The following PLCD3 variants were observed in gnomAD, a reference collection of about 807,000 sequenced individuals.
The protein encoded by PLCD3 is phospholipase C delta 3, also known as 1-phosphatidylinositol 4,5-bisphosphate phosphodiesterase delta-3.
A neutral mutation model predicts 82.8 loss-of-function variants in PLCD3; 62 were observed. The observed-to-expected ratio is 0.75, with a 90% CI of 0.61 to 0.93. The LOEUF (loss-of-function observed/expected upper bound fraction) is 0.93. Ranked by LOEUF, PLCD3 falls within the 40% of genes least tolerant of loss-of-function variation. The probability of loss-of-function intolerance (pLI) is 0.00; values close to 1 mark genes in which losing one functional copy is unlikely to be tolerated. For missense variants in PLCD3, 1,023 were observed against 1,103.4 expected, an observed-to-expected ratio of 0.93 and a Z score of 1.03; for synonymous variants, 478 against 471.8, an observed-to-expected ratio of 1.01 and a Z score of -0.17.
At position 45,111,155 on chromosome 17, in the gene PLCD3, A is replaced by G. The variant is rs1401840681; in HGVS notation, c.*1461T>C. Reference sequence around the variant, plus strand: ...CTCCAGATTCTGTCGCCTAGTGTCCAGTGCGCTCTCCTGGCATTTCTATAG... The same window carrying G: ...CTCCAGATTCTGTCGCCTAGTGTCCGGTGCGCTCTCCTGGCATTTCTATAG... On this transcript the variant is annotated 3_prime_UTR_variant, in exon 15 of 15. Coordinates refer to ENST00000619929, the MANE Select transcript of PLCD3 (RefSeq NM_133373.5). 1 of 152,222 alleles carries G rather than the reference A, an allele frequency of 6.6e-6. No homozygotes were observed. Among genetic ancestry groups the G allele is most frequent in the Non-Finnish European group, 1.5e-5 (1 of 68,054 alleles). The allele number at this position is 152,222 out of a possible 1,614,324, so 9.4% of individuals were successfully genotyped here.
At chr17:45,117,487 G>A (rs918785023) in intron 7 of PLCD3, among the ~76,000 whole-genome samples, 9 of 152,010 alleles carry the variant, frequency 5.9e-5, no homozygotes, top group African/African-American at 9.7e-5. Flanking sequence ...AGTGATCCTC[G>A]CGTCAGCCTC....
In PLCD3 at chr17:45,116,778, G is replaced by A. The variant is rs2054295399; in HGVS notation, c.1267C>T (p.Pro423Ser). The change falls in exon 8 of 15, where the codon CCT becomes TCT. Residue 423 changes from proline (P) to serine (S), a missense_variant. By Grantham distance (74) the Pro-to-Ser change is moderately conservative (BLOSUM62 -1). This residue lies in a region of PLCD3 where 553 missense variants were observed against 655.7 expected (regional missense o/e 0.84). Transcript: ENST00000619929. ...TCCAGGGATAGGATGACAGGGTAAG[G>A]GGACAGCTGTGGGGGGAAGGGCAGC... is the stretch of plus-strand genomic sequence containing the variant. ...AVRDHAFTLS[P>S]YPVILSLENH... 2 of 1,598,764 alleles carry A rather than the reference G, an allele frequency of 1.3e-6. No individual in the cohort carries two copies. The highest frequency in any genetic ancestry group is 1.7e-6 in the Non-Finnish European group (2 of 1,171,504).
chr17:45,113,750 G>T lies in PLCD3; in HGVS notation c.1829-145C>A, dbSNP rs913825514. The T allele has an allele frequency of 4.2e-5, 45 of 1,073,914 alleles. No individual in the cohort carries two copies. In the African/African-American group the frequency reaches 7.2e-4, roughly 17 times the overall value. The allele number at this position is 1,073,914 out of a possible 1,614,324, so 66.5% of individuals were successfully genotyped here. A position where few individuals can be genotyped will look rare whatever the true frequency, so the allele number is the denominator to read the frequency against. The stretch of plus-strand genomic sequence containing the variant: ...CTCTGCTCCCACCATGACTTTAGGG[G>T]AGGGGGTCATGGACCCAGCCCCCAC... On this transcript the variant is annotated intron_variant, in intron 11 of 14. Coordinates refer to ENST00000619929, the MANE Select transcript of PLCD3 (RefSeq NM_133373.5).
intron 1 of PLCD3, among the ~76,000 whole-genome samples, chr17:45,126,850 G>A (rs1203606658): frequency 6.6e-6 from 1 of 151,864 alleles, no homozygotes; most frequent in African/African-American, 2.4e-5. Context: ...TGTAGAGTTG[G>A]GGTCACACTA....
intron 1 of PLCD3, among the ~76,000 whole-genome samples, chr17:45,131,427 G>A (rs1196036435): frequency 2.0e-5 from 3 of 152,178 alleles, no homozygotes; most frequent in Non-Finnish European, 2.9e-5. Context: ...ACTGCCCTGC[G>A]GGTCCCACTT....
rs1283121912 is a variant in PLCD3 at position 45,132,398 on chromosome 17, G to C, written c.13C>G (p.Arg5Gly). The change falls in exon 1 of 15, where the codon CGC becomes GGC. Residue 5 changes from arginine to glycine, a missense_variant. Around this residue, in one of 3 missense-constraint regions of PLCD3, gnomAD observed 22 missense variants for 41.3 expected, o/e 0.53. Coordinates refer to ENST00000619929, the MANE Select transcript of PLCD3 (RefSeq NM_133373.5). This position sits in a 1 kb window ranked among gnomAD's most constrained non-coding sequence, Gnocchi z 4.6. MLCG[R>G]WRRCRRPPEE... The stretch of plus-strand genomic sequence containing the variant: ...GGCGGGCGGCGGCAACGCCTCCAGC[G>C]GCCGCACAGCATGGCTTGGCGGGGG... The C allele has an allele frequency of 8.2e-7, 1 of 1,222,818 alleles. No individual in the cohort carries two copies. Among genetic ancestry groups the C allele is most frequent in the Non-Finnish European group, 1.0e-6 (1 of 982,390 alleles). The allele number at this position is 1,222,818 out of a possible 1,614,324, so 75.7% of individuals were successfully genotyped here.
At chr17:45,128,952 C>T (rs975744576) in intron 1 of PLCD3, among the ~76,000 whole-genome samples, 3 of 152,182 alleles carry the variant, frequency 2.0e-5, no homozygotes, top group Non-Finnish European at 2.9e-5. Flanking sequence ...GTGACAAGCA[C>T]GGACTCTGGG....
chr17:45,117,935 T>G, intron 7 of PLCD3, 59 bp downstream of exon 7: 2 of 1,592,780 alleles, frequency 1.3e-6, no homozygotes, highest in Non-Finnish European at 8.6e-7. Flanking sequence ...GGCATGTGAG[T>G]GCGGACGGAG....
At chr17:45,120,225 G>A in intron 4 of PLCD3, 100 bp downstream of exon 4, 1 of 1,504,832 alleles carries the variant, frequency 6.6e-7, no homozygotes, top group Non-Finnish European at 9.1e-7. Flanking sequence ...AAAAGCTGCA[G>A]GTGGAGAGGG....
Position 45,118,887 on chromosome 17 carries a change from C to T in PLCD3, c.841G>A (p.Asp281Asn), listed in dbSNP as rs1158372703. 1 of 1,612,420 alleles carries T rather than the reference C, an allele frequency of 6.2e-7. No individual in the cohort carries two copies. ...SAPELLEFLEDQGEEGATLAR... is the reference protein window; with the variant it reads ...SAPELLEFLENQGEEGATLAR... ...AGTGTGGCGCCCTCCTCGCCCTGGT[C>T]CTCCAGGAACTCCAGCAGCTCAGGG... Residue 281 changes from aspartate (D) to asparagine (N), a missense_variant, in exon 5 of 15, where the codon GAC becomes AAC. Asp to Asn is a conservative substitution (Grantham distance 23). Coordinates refer to ENST00000619929, the MANE Select transcript of PLCD3 (RefSeq NM_133373.5). The surrounding 1 kb of genome is among the most constrained non-coding windows in gnomAD (Gnocchi z 4.1).
At position 45,115,403 on chromosome 17, in the gene PLCD3, C is replaced by A; in HGVS notation, c.1501G>T (p.Glu501Ter). Reference sequence around the variant, plus strand: ...TCTTCCTCCTCGTCATCCTCCTCCTCCTCCTCCCGATCCGACAGAGCCCGG... The same window carrying A: ...TCTTCCTCCTCGTCATCCTCCTCCTACTCCTCCCGATCCGACAGAGCCCGG... Reference protein sequence around the residue: ...DGRALSDREEEEEDDEEEEEE... With the variant: ...DGRALSDREE The change falls in exon 9 of 15, where the codon GAG becomes TAG. Residue 501 changes from glutamate (E) to a stop codon, truncating the protein, a stop_gained. Coordinates refer to ENST00000619929, the MANE Select transcript of PLCD3 (RefSeq NM_133373.5). LOFTEE classifies it high-confidence loss of function. 1 of 1,610,472 alleles carries A rather than the reference C, an allele frequency of 6.2e-7. No homozygotes were observed. The highest frequency in any genetic ancestry group is 8.5e-7 in the Non-Finnish European group (1 of 1,179,010).
chr17:45,115,062 C>A, intron 10 of PLCD3, 32 bp downstream of exon 10: 1 of 1,572,316 alleles, frequency 6.4e-7, no homozygotes, highest in Non-Finnish European at 8.6e-7. Context: ...CTCACCCTCT[C>A]GCCCCCAGAC....
rs2054329808 is a variant in PLCD3 at position 45,120,757 on chromosome 17, CG to C, written c.554+144del. 3.6e-6 allele frequency: 4 copies of C among 1,098,514 alleles called. No homozygotes were observed. In the South Asian group the frequency reaches 5.3e-5, roughly 15 times the overall value. 68.0% of individuals were successfully genotyped at this position (1,098,514 alleles called of 1,614,324 possible). ...GGGCGCGTGTCCCCACCCTCAGTTTCGAAGACCAAGGGCTCCGACCCAGACC... is the reference window on the plus strand; with the variant it reads ...GGGCGCGTGTCCCCACCCTCAGTTTCAAGACCAAGGGCTCCGACCCAGACC... On this transcript the variant is annotated intron_variant, in intron 3 of 14. Coordinates refer to ENST00000619929, the MANE Select transcript of PLCD3 (RefSeq NM_133373.5).
At chr17:45,113,726 T>C in intron 11 of PLCD3, 121 bp from the exon 12 acceptor site, 2 of 1,260,946 alleles carry the variant, frequency 1.6e-6, no homozygotes, top group East Asian at 5.1e-5. Context: ...TTAGTGCTGC[T>C]CTGCTCCCAC....
At chr17:45,113,637 CTTAG>C in intron 11 of PLCD3, 32 bp from the exon 12 acceptor site, 1 of 1,549,348 alleles carries the variant, frequency 6.5e-7, no homozygotes, top group Non-Finnish European at 8.7e-7. Flanking sequence ...AGCAGGGGCT[CTTAG>C]CGGCCCTGTT....
At chr17:45,116,181 C>T (rs1265857733) in intron 8 of PLCD3, among the ~76,000 whole-genome samples, 1 of 152,178 alleles carries the variant, frequency 6.6e-6, no homozygotes, top group African/African-American at 2.4e-5. Context: ...TGGGGGAGAG[C>T]AGGAGGCCGC....
At chr17:45,128,496 C>A (rs899302334) in intron 1 of PLCD3, among the ~76,000 whole-genome samples, 1 of 152,242 alleles carries the variant, frequency 6.6e-6, no homozygotes, top group African/African-American at 2.4e-5. Flanking sequence ...CCCTCACCTG[C>A]CAAGTCACCC....
At chr17:45,113,684 C>T in intron 11 of PLCD3, 79 bp from the exon 12 acceptor site, 4 of 1,490,968 alleles carry the variant, frequency 2.7e-6, no homozygotes, top group Non-Finnish European at 2.7e-6. Flanking sequence ...CTGCATTCCT[C>T]TCTACAAAGG....
intron 1 of PLCD3, among the ~76,000 whole-genome samples, chr17:45,124,378 G>T (rs570288261): frequency 2.0e-5 from 3 of 152,362 alleles, no homozygotes; most frequent in South Asian, 4.1e-4. Context: ...GGGGGAAGGG[G>T]TGACATTCCA....
Sources: gnomAD v4.1 joint callset for allele counts (sites outside exome capture counted in the v4.1 genomes callset) on GRCh38, gnomAD v4.1.1 for gene constraint, gnomAD v4.1.1 regional missense constraint, Gnocchi (gnomAD v3.1) non-coding constraint, MANE v1.5 for transcripts, NCBI Gene and HGNC (gene_info 2026-07-23, HGNC 2026-07-21) for gene names.